Variants in FBXL17 observed in about 807,000 individuals in gnomAD.
FBXL17 encodes the protein F-box and leucine rich repeat protein 17.
A neutral mutation model predicts 66.2 loss-of-function variants in FBXL17; 22 were observed. The observed-to-expected ratio is 0.33, with a 90% CI of 0.24 to 0.47. FBXL17 has a LOEUF of 0.47. Ranked by LOEUF, FBXL17 falls within the 20% of genes least tolerant of loss-of-function variation. FBXL17 has a pLI of 1.00. For synonymous variants in FBXL17, 474 were observed against 400.5 expected, an observed-to-expected ratio of 1.18 and a Z score of -2.19; for missense variants, 878 against 948.2, an observed-to-expected ratio of 0.93 and a Z score of 0.97.
At chr5:108,049,212 G>A (rs560938078) in intron 6 of FBXL17, among the ~76,000 whole-genome samples, 29 of 151,720 alleles carry the variant, frequency 1.9e-4, no homozygotes, top group African/African-American at 5.3e-4. Context: ...GCGAGATCTC[G>A]ACTCACTGCA....
Position 108,364,830 on chromosome 5 carries a change from T to C in FBXL17, c.1282A>G (p.Thr428Ala). 1 of 1,612,990 alleles carries C rather than the reference T, an allele frequency of 6.2e-7. No homozygotes were observed. The highest frequency in any genetic ancestry group is 1.1e-5 in the South Asian group (1 of 91,042). ...TGAGAGGCAACCGCAATAATAGAGG[T>C]GTCAGAAAGCTGTTTACACCTGTAG... ...TAYRCKQLSDTSIIAVASHCP... is the reference protein window; with the variant it reads ...TAYRCKQLSDASIIAVASHCP... Residue 428 changes from threonine (T) to alanine (A), a missense_variant, in exon 3 of 9, where the codon ACC becomes GCC. Around this residue, in one of 4 missense-constraint regions of FBXL17, gnomAD observed 236 missense variants for 389.1 expected, o/e 0.61. Coordinates refer to ENST00000542267, the MANE Select transcript of FBXL17 (RefSeq NM_001163315.3).
intron 7 of FBXL17, among the ~76,000 whole-genome samples, chr5:107,946,253 TTTTATATA>T (rs1438052417): frequency 1.9e-4 from 12 of 63,480 alleles, no homozygotes; most frequent in African/African-American, 6.2e-4. Context: ...ATCAATCTCA[TTTTATATA>T]TATATATATA....
At chr5:108,357,732 T>TTA (rs398109277) in intron 3 of FBXL17, among the ~76,000 whole-genome samples, 1 of 151,978 alleles carries the variant, frequency 6.6e-6, no homozygotes, top group Non-Finnish European at 1.5e-5. Flanking sequence ...GTTTTTTTTT[T>TTA]AAATTATACT....
chr5:107,927,895 T>C (rs1821271), intron 7 of FBXL17, among the ~76,000 whole-genome samples: 42,136 of 152,000 alleles, frequency 0.28, 6,339 homozygotes, highest in Admixed American at 0.41. Context: ...CAATTACTCT[T>C]TTAAATTCAC....
intron 7 of FBXL17, among the ~76,000 whole-genome samples, chr5:107,909,475 T>C (rs1357891028): frequency 6.6e-6 from 1 of 152,202 alleles, no homozygotes; most frequent in African/African-American, 2.4e-5. Context: ...AAATTGTCTT[T>C]AAGATCCTTG....
chr5:108,009,734 T>C (rs557008301), intron 7 of FBXL17, among the ~76,000 whole-genome samples: 49 of 152,278 alleles, frequency 3.2e-4, no homozygotes, highest in African/African-American at 1.1e-3. Flanking sequence ...TTTACTTAAT[T>C]AGGAAATTAG....
intron 7 of FBXL17, among the ~76,000 whole-genome samples, chr5:107,980,664 A>ATATATATATTTTTTTTTTTTT: frequency 9.7e-5 from 6 of 62,074 alleles, no homozygotes; most frequent in African/African-American, 6.2e-4. Context: ...ATATATATAT[A>ATATATATATTTTTTTTTTTTT]TTTTTTTTTT....
chr5:108,377,240 T>C (rs1274066182), intron 1 of FBXL17, among the ~76,000 whole-genome samples: 1 of 152,224 alleles, frequency 6.6e-6, no homozygotes, highest in African/African-American at 2.4e-5. Context: ...CCCCTACACA[T>C]GTGCATAGTT....
chr5:108,078,819 G>C (rs949286198), intron 6 of FBXL17, among the ~76,000 whole-genome samples: 6 of 152,098 alleles, frequency 3.9e-5, no homozygotes, highest in African/African-American at 1.2e-4. Flanking sequence ...TAGTATATAA[G>C]CTTCTGTACT....
chr5:108,245,450 C>T (rs1321003973), intron 4 of FBXL17, among the ~76,000 whole-genome samples: 3 of 152,074 alleles, frequency 2.0e-5, no homozygotes, highest in Non-Finnish European at 4.4e-5. Flanking sequence ...ATTCCTTAAA[C>T]AAGAAAACCG....
chr5:108,144,318 A>C (rs1346689360), intron 6 of FBXL17, among the ~76,000 whole-genome samples: 1 of 152,188 alleles, frequency 6.6e-6, no homozygotes, highest in Non-Finnish European at 1.5e-5. Context: ...ATGATATGAT[A>C]AACGGTAAAT....
Position 108,382,040 on chromosome 5 carries a change from G to C in FBXL17, c.-349C>G. The C allele has an allele frequency of 1.0e-6, 1 of 962,372 alleles. No homozygotes were observed. The highest frequency in any genetic ancestry group is 1.7e-5 in the African/African-American group (1 of 58,426). The allele number at this position is 962,372 out of a possible 1,614,324, so 59.6% of individuals were successfully genotyped here. ...CAGCGGAGCGGCCGGGGAAAGGCCGGGTCCCGCTCGGACCATTTTAACTGC... is the reference window on the plus strand; with the variant it reads ...CAGCGGAGCGGCCGGGGAAAGGCCGCGTCCCGCTCGGACCATTTTAACTGC... On this transcript the variant is annotated 5_prime_UTR_variant, in exon 1 of 9. Coordinates refer to ENST00000542267, the MANE Select transcript of FBXL17 (RefSeq NM_001163315.3).
At chr5:108,060,966 C>A (rs987795059) in intron 6 of FBXL17, among the ~76,000 whole-genome samples, 1 of 152,022 alleles carries the variant, frequency 6.6e-6, no homozygotes, top group Non-Finnish European at 1.5e-5. Flanking sequence ...ATCTTGCCAG[C>A]AAGATGATCT....
chr5:108,097,899 G>C (rs1324858607), intron 6 of FBXL17, among the ~76,000 whole-genome samples: 2 of 151,852 alleles, frequency 1.3e-5, no homozygotes, highest in Non-Finnish European at 2.9e-5. Context: ...CTGTCTAACA[G>C]GTTTCTTATT....
At chr5:108,241,465 G>GA (rs1053782751) in intron 4 of FBXL17, among the ~76,000 whole-genome samples, 9 of 147,960 alleles carry the variant, frequency 6.1e-5, no homozygotes, top group African/African-American at 1.0e-4. Flanking sequence ...AAGGAACAAA[G>GA]AAAAAAAAAG....
chr5:108,245,596 C>T (rs955370637), intron 4 of FBXL17, among the ~76,000 whole-genome samples: 1 of 152,180 alleles, frequency 6.6e-6, no homozygotes. Context: ...ATAAGGTTCT[C>T]CAATAATGGG....
chr5:108,114,339 T>A (rs555807253), intron 6 of FBXL17, among the ~76,000 whole-genome samples: 4 of 152,206 alleles, frequency 2.6e-5, no homozygotes, highest in Non-Finnish European at 5.9e-5. Flanking sequence ...CTATAAGTTG[T>A]CTCTTGTTTC....
intron 4 of FBXL17, among the ~76,000 whole-genome samples, chr5:108,339,791 C>T (rs1360849225): frequency 6.6e-6 from 1 of 152,132 alleles, no homozygotes; most frequent in African/African-American, 2.4e-5. Context: ...GCATTATCCA[C>T]ACTGGGATAT....
At chr5:108,038,911 T>C (rs892041417) in intron 6 of FBXL17, among the ~76,000 whole-genome samples, 1 of 152,082 alleles carries the variant, frequency 6.6e-6, no homozygotes. Context: ...GTGTGGTTTA[T>C]ATTAGAAAGA....
Sources: gnomAD v4.1 joint callset for allele counts (sites outside exome capture counted in the v4.1 genomes callset) on GRCh38, gnomAD v4.1.1 for gene constraint, gnomAD v4.1.1 regional missense constraint, MANE v1.5 for transcripts, NCBI Gene and HGNC (gene_info 2026-07-23, HGNC 2026-07-21) for gene names.